Variants in KCNN2 observed in about 807,000 individuals in gnomAD.
KCNN2 encodes small conductance calcium-activated potassium channel protein 2.
In KCNN2, 24 loss-of-function variants were observed where a neutral mutation model predicts 55.5. The observed-to-expected ratio is 0.43, with a 90% CI of 0.31 to 0.61. The LOEUF (loss-of-function observed/expected upper bound fraction) is 0.61, where lower values mean the gene tolerates loss of function less well. Ranked by LOEUF, KCNN2 falls within the 20% of genes least tolerant of loss-of-function variation. The probability of loss-of-function intolerance (pLI) is 0.08; values close to 1 mark genes in which losing one functional copy is unlikely to be tolerated. For synonymous variants in KCNN2, 431 were observed against 336.1 expected (o/e 1.28, Z -3.09); for missense variants, 754 against 853.6 (o/e 0.88, Z 1.45).
intron 1 of KCNN2, among the ~76,000 whole-genome samples, chr5:114,128,007 C>G (rs1367721309): frequency 6.6e-6 from 1 of 152,138 alleles, no homozygotes; most frequent in Non-Finnish European, 1.5e-5. Flanking sequence ...TGGCCAAAGC[C>G]ACTCAACAAA....
chr5:114,405,132 G>A (rs1045587082), intron 3 of KCNN2, among the ~76,000 whole-genome samples: 1 of 152,128 alleles, frequency 6.6e-6, no homozygotes, highest in Non-Finnish European at 1.5e-5. Context: ...CCTAGAAATT[G>A]TACAGGACAC....
chr5:114,112,803 C>G (rs762666348), intron 1 of KCNN2, among the ~76,000 whole-genome samples: 14 of 152,128 alleles, frequency 9.2e-5, no homozygotes, highest in Middle Eastern at 3.4e-3. Flanking sequence ...ATGAATAACA[C>G]CGGTTATGCA....
At chr5:114,132,230 C>G (rs1482841335) in intron 1 of KCNN2, among the ~76,000 whole-genome samples, 1 of 152,088 alleles carries the variant, frequency 6.6e-6, no homozygotes, top group Non-Finnish European at 1.5e-5. Flanking sequence ...AATGGTAGTG[C>G]CTAGATTTTC....
At chr5:114,389,863 A>AT (rs530518010) in intron 2 of KCNN2, among the ~76,000 whole-genome samples, 147 of 152,174 alleles carry the variant, frequency 9.7e-4, no homozygotes, top group African/African-American at 3.4e-3. Context: ...GTGGGTAAGC[A>AT]TTTTTTTGCT....
At chr5:114,430,737 G>A (rs965210165) in intron 3 of KCNN2, among the ~76,000 whole-genome samples, 2 of 151,992 alleles carry the variant, frequency 1.3e-5, no homozygotes, top group Admixed American at 6.5e-5. Context: ...AGGTTTTTGT[G>A]GATGTTTTTT....
At chr5:114,391,556 G>C (rs1313841879) in intron 2 of KCNN2, among the ~76,000 whole-genome samples, 1 of 152,020 alleles carries the variant, frequency 6.6e-6, no homozygotes. Flanking sequence ...GCAGTTGGTT[G>C]ATATTTAAAA....
chr5:114,341,927 A>T (rs1757023678), intron 2 of KCNN2, among the ~76,000 whole-genome samples: 1 of 147,764 alleles, frequency 6.8e-6, no homozygotes, highest in Non-Finnish European at 1.5e-5. Context: ...TTTGAGACGG[A>T]ATCTCGCTCT....
In KCNN2 at chr5:114,170,860, A is replaced by T. The variant is rs1415216198; in HGVS notation, c.-270-50620A>T. On this transcript the variant is annotated intron_variant, in intron 1 of 10. Transcript: ENST00000512097. Reference sequence around the variant, plus strand: ...GAAACCAGCTTACCTGGACTACATCATTGTTCCCTTTTTAAGAAATCCACC... The same window carrying T: ...GAAACCAGCTTACCTGGACTACATCTTTGTTCCCTTTTTAAGAAATCCACC... Among the ~76,000 whole-genome samples, 5 of 152,084 alleles carry T rather than the reference A, an allele frequency of 3.3e-5. No homozygotes were observed. In the East Asian group the frequency reaches 9.7e-4, roughly 29 times the overall value.
intron 1 of KCNN2, among the ~76,000 whole-genome samples, chr5:114,080,317 C>G (rs1750783418): frequency 6.6e-6 from 1 of 152,170 alleles, no homozygotes; most frequent in African/African-American, 2.4e-5. Flanking sequence ...CCTAGCTTTA[C>G]AAAATGAGTT....
intron 2 of KCNN2, among the ~76,000 whole-genome samples, chr5:114,385,519 GCACA>G (rs10548694): frequency 0.021 from 2,958 of 143,226 alleles, 50 homozygotes; most frequent in East Asian, 0.056. Context: ...ACACATGCGC[GCACA>G]CACACACACA....
chr5:114,396,489 C>T (rs780105426), intron 2 of KCNN2, among the ~76,000 whole-genome samples: 9 of 150,750 alleles, frequency 6.0e-5, no homozygotes, highest in East Asian at 3.9e-4. Context: ...AATTGTGTGT[C>T]GGGGGGTTTG....
intron 2 of KCNN2, among the ~76,000 whole-genome samples, chr5:114,368,963 G>A (rs1757685716): frequency 6.6e-6 from 1 of 151,968 alleles, no homozygotes; most frequent in Non-Finnish European, 1.5e-5. Flanking sequence ...GCAAATTGGA[G>A]TTTTCTAAGT....
chr5:114,163,243 T>G (rs975439562), intron 1 of KCNN2, among the ~76,000 whole-genome samples: 4 of 152,148 alleles, frequency 2.6e-5, no homozygotes, highest in Non-Finnish European at 5.9e-5. Context: ...CAAACAGGGA[T>G]AGTTTGACTT....
chr5:114,102,859 G>C (rs1041007419), intron 1 of KCNN2, among the ~76,000 whole-genome samples: 1 of 152,304 alleles, frequency 6.6e-6, no homozygotes, highest in South Asian at 2.1e-4. Context: ...GTAGTTTGAA[G>C]TCAGGTAGCG....
rs993466512 is a variant in KCNN2 at position 114,438,516 on chromosome 5, C to A, written c.1638-24533C>A. Among the ~76,000 whole-genome samples the A allele has an allele frequency of 4.6e-5, 7 of 152,260 alleles. No individual in the cohort carries two copies. In the South Asian group the frequency reaches 8.3e-4, roughly 18 times the overall value. On this transcript the variant is annotated intron_variant, in intron 3 of 7. Transcript: ENST00000673685. ...GCAGCTAGAATCTCTAATTTCACGC[C>A]TCACTTAAAATAATTTATCTAGAAG...
chr5:114,153,545 C>A (rs1752569140), intron 1 of KCNN2, among the ~76,000 whole-genome samples: 1 of 152,130 alleles, frequency 6.6e-6, no homozygotes, highest in African/African-American at 2.4e-5. Context: ...TTATGTGTTT[C>A]TTGTGTCTGT....
intron 1 of KCNN2, among the ~76,000 whole-genome samples, chr5:114,117,861 C>A (rs140325436): frequency 6.6e-6 from 1 of 152,318 alleles, no homozygotes; most frequent in East Asian, 1.9e-4. Context: ...TACCTCTGAG[C>A]TGTACCCTCT....
chr5:114,091,227 C>T (rs750718), intron 1 of KCNN2, among the ~76,000 whole-genome samples: 4,041 of 152,152 alleles, frequency 0.027, 181 homozygotes, highest in African/African-American at 0.091. Flanking sequence ...CAAAATTAAC[C>T]ACCCTCCCCT....
chr5:114,458,102 A>T (rs971837755), intron 3 of KCNN2, among the ~76,000 whole-genome samples: 1 of 152,072 alleles, frequency 6.6e-6, no homozygotes, highest in Non-Finnish European at 1.5e-5. Flanking sequence ...AAAAAAATGC[A>T]TTGCTGTCAC....
Sources: gnomAD v4.1 joint callset for allele counts (sites outside exome capture counted in the v4.1 genomes callset) on GRCh38, gnomAD v4.1.1 for gene constraint, MANE v1.5 for transcripts, NCBI Gene and HGNC (gene_info 2026-07-23, HGNC 2026-07-21) for gene names.